The following LRP1B variants were observed in gnomAD, a reference collection of about 807,000 sequenced individuals.
LRP1B encodes the protein LDL receptor related protein 1B, also known as low-density lipoprotein receptor-related protein 1B.
In LRP1B, 217 loss-of-function variants were observed where a neutral mutation model predicts 556.6. The observed-to-expected ratio is 0.39, with a 90% CI of 0.35 to 0.44. The LOEUF (loss-of-function observed/expected upper bound fraction) is 0.44. Ranked by LOEUF, LRP1B falls within the 20% of genes least tolerant of loss-of-function variation. The probability of loss-of-function intolerance (pLI) is 1.00; values close to 1 mark genes in which losing one functional copy is unlikely to be tolerated. For missense variants in LRP1B, 5,053 were observed against 5,620.8 expected, an observed-to-expected ratio of 0.90 and a Z score of 3.23; for synonymous variants, 2,047 against 1,865.8, an observed-to-expected ratio of 1.10 and a Z score of -2.50.
At chr2:141,821,479 A>C (rs1014793763) in intron 1 of LRP1B, among the ~76,000 whole-genome samples, 12 of 152,238 alleles carry the variant, frequency 7.9e-5, no homozygotes, top group African/African-American at 2.9e-4. Flanking sequence ...ACACTGGCAC[A>C]GGATGAAGGC....
Position 140,700,593 on chromosome 2 carries a change from A to C in LRP1B, c.6456T>G (p.Gly2152=), listed in dbSNP as rs1686599469. ...KGTNVCARDN[G]GCKQLCLYRG... The stretch of plus-strand genomic sequence containing the variant: ...GATAAAGACAGAGTTGCTTACAGCC[A>C]CCATTGTCCCTGGCACAAACATTGG... Residue 2152 remains glycine (G), a synonymous_variant, in exon 41 of 91, where the codon GGT becomes GGG. Transcript: ENST00000389484. 4.3e-6 allele frequency: 7 copies of C among 1,613,416 alleles called. No individual in the cohort carries two copies. Among genetic ancestry groups the C allele is most frequent in the Non-Finnish European group, 5.9e-6 (7 of 1,179,616 alleles).
At position 141,791,845 on chromosome 2, in the gene LRP1B, G is replaced by T. The variant is rs893381045; in HGVS notation, c.205+18434C>A. 2.6e-5 allele frequency among the ~76,000 whole-genome samples: 4 copies of T among 151,918 alleles called. 1 individual carries two copies. Among genetic ancestry groups the T allele is most frequent in the African/African-American group, 7.3e-5 (3 of 41,366 alleles). On this transcript the variant is annotated intron_variant, in intron 2 of 90. Transcript: ENST00000389484. Reference sequence around the variant, plus strand: ...ATTAATTATGTTATGTTCCATGCTGGTTATGTCCACTTACAAAAGATCATC... The same window carrying T: ...ATTAATTATGTTATGTTCCATGCTGTTTATGTCCACTTACAAAAGATCATC...
chr2:140,891,684 A>C (rs1027517126), intron 23 of LRP1B, among the ~76,000 whole-genome samples: 1 of 152,142 alleles, frequency 6.6e-6, no homozygotes, highest in African/African-American at 2.4e-5. Context: ...ATTGGGAATG[A>C]ATGATGGTTA....
At chr2:140,787,842 T>C (rs1340316341) in intron 32 of LRP1B, among the ~76,000 whole-genome samples, 1 of 152,118 alleles carries the variant, frequency 6.6e-6, no homozygotes, top group African/African-American at 2.4e-5. Context: ...CTCAAAAAGC[T>C]GCGATTACAG....
intron 27 of LRP1B, among the ~76,000 whole-genome samples, chr2:140,858,743 C>T (rs965297981): frequency 6.6e-6 from 1 of 152,028 alleles, no homozygotes; most frequent in African/African-American, 2.4e-5. Context: ...CCTATCCCCA[C>T]CCCTCGACAG....
chr2:140,410,471 C>G lies in LRP1B; in HGVS notation c.10415-24462G>C, dbSNP rs187196181. ...ATGTCTTTATTCACCTTTTAATAAG[C>G]CTGCTTGCCTCCTATAATAATGCTG... On this transcript the variant is annotated intron_variant, in intron 66 of 90. Transcript: ENST00000389484. Among the ~76,000 whole-genome samples the G allele has an allele frequency of 1.1e-3, 170 of 152,060 alleles. 1 individual carries two copies. Among genetic ancestry groups the G allele is most frequent in the African/African-American group, 4.1e-3 (168 of 41,480 alleles).
Position 141,188,496 on chromosome 2 carries a change from T to C in LRP1B, c.938A>G (p.Asn313Ser), listed in dbSNP as rs759948670. Residue 313 changes from asparagine to serine, a missense_variant, in exon 7 of 91, where the codon AAC becomes AGC. Physicochemically the swap from Asn to Ser is conservative, Grantham distance 46. This residue lies in a region of LRP1B where 3,619 missense variants were observed against 3,931.9 expected (regional missense o/e 0.92). Coordinates refer to ENST00000389484, the MANE Select transcript of LRP1B (RefSeq NM_018557.3). ...VGDRIFVCNS[N>S]GSVCVTLIDL... ...AATCAGGGTGACACATACAGAACCG[T>C]TGGAATTACAAACAAAGATCCGGTC... 46 of 1,612,726 alleles carry C rather than the reference T, an allele frequency of 2.9e-5. No individual in the cohort carries two copies. The highest frequency in any genetic ancestry group is 1.7e-4 in the Middle Eastern group (1 of 6,052).
intron 41 of LRP1B, among the ~76,000 whole-genome samples, chr2:140,642,223 A>G (rs1381182018): frequency 1.3e-5 from 2 of 152,226 alleles, no homozygotes; most frequent in African/African-American, 4.8e-5. Flanking sequence ...TCACATCTGC[A>G]GACATTCCCT....
chr2:141,013,877 T>C (rs1386628238), intron 13 of LRP1B, 132 bp from the exon 14 acceptor site: 1 of 517,906 alleles, frequency 1.9e-6, no homozygotes, highest in Non-Finnish European at 3.1e-6. Context: ...CTCTGATAGA[T>C]TTAAAAAATG....
intron 3 of LRP1B, among the ~76,000 whole-genome samples, chr2:141,416,007 G>C (rs1691087281): frequency 6.6e-6 from 1 of 152,142 alleles, no homozygotes; most frequent in South Asian, 2.1e-4. Context: ...CCCATCTTTT[G>C]AATAAGTTCT....
chr2:141,996,664 T>C (rs1702499252), intron 1 of LRP1B, among the ~76,000 whole-genome samples: 1 of 152,010 alleles, frequency 6.6e-6, no homozygotes, highest in African/African-American at 2.4e-5. Flanking sequence ...ATGTGGAATT[T>C]ACCTTTATTT....
chr2:141,592,146 C>T (rs1473251984), intron 2 of LRP1B, among the ~76,000 whole-genome samples: 1 of 152,158 alleles, frequency 6.6e-6, no homozygotes, highest in Non-Finnish European at 1.5e-5. Flanking sequence ...TCGTTGACTC[C>T]ATTTTTCCAT....
intron 1 of LRP1B, among the ~76,000 whole-genome samples, chr2:142,130,182 G>A (rs1707802075): frequency 6.6e-6 from 1 of 152,210 alleles, no homozygotes; most frequent in African/African-American, 2.4e-5. Flanking sequence ...CGGCGCTTTC[G>A]CCGCTCCACG....
At chr2:141,371,253 T>C (rs1010608325) in intron 3 of LRP1B, among the ~76,000 whole-genome samples, 2 of 152,230 alleles carry the variant, frequency 1.3e-5, no homozygotes, top group East Asian at 3.8e-4. Flanking sequence ...TTTATACCAG[T>C]AACATGTTCT....
chr2:140,343,402 G>A (rs935475034), intron 77 of LRP1B, among the ~76,000 whole-genome samples: 1 of 151,464 alleles, frequency 6.6e-6, no homozygotes, highest in African/African-American at 2.4e-5. Context: ...AAAATGCCTG[G>A]ACTATCTAAT....
At chr2:141,307,027 G>C (rs553349308) in intron 3 of LRP1B, among the ~76,000 whole-genome samples, 1 of 152,174 alleles carries the variant, frequency 6.6e-6, no homozygotes, top group East Asian at 1.9e-4. Flanking sequence ...TTCAAAATAT[G>C]GTCTATCTGG....
At chr2:141,692,520 C>T (rs1368674611) in intron 2 of LRP1B, among the ~76,000 whole-genome samples, 1 of 151,998 alleles carries the variant, frequency 6.6e-6, no homozygotes, top group Non-Finnish European at 1.5e-5. Flanking sequence ...TTCTGGCATT[C>T]AGCTTCATCC....
Position 141,483,942 on chromosome 2 carries a change from T to G in LRP1B, c.206-3409A>C, listed in dbSNP as rs763946638. On this transcript the variant is annotated intron_variant, in intron 2 of 90. Coordinates refer to ENST00000389484, the MANE Select transcript of LRP1B (RefSeq NM_018557.3). ...TGTTCACTCTGATGGTAGTTTCTTT[T>G]GCTGTGCAGAAGCTCTTTAGTTTAA... is the stretch of plus-strand genomic sequence containing the variant. 3.9e-3 allele frequency among the ~76,000 whole-genome samples: 585 copies of G among 151,680 alleles called. 2 individuals are homozygous for G. Among genetic ancestry groups the G allele is most frequent in the Non-Finnish European group, 6.0e-3 (408 of 67,758 alleles).
chr2:141,676,097 C>T (rs1690864100), intron 2 of LRP1B, among the ~76,000 whole-genome samples: 1 of 151,956 alleles, frequency 6.6e-6, no homozygotes, highest in African/African-American at 2.4e-5. Context: ...TTATAAAATA[C>T]TTATGAATGG....
Sources: gnomAD v4.1 joint callset for allele counts (sites outside exome capture counted in the v4.1 genomes callset) on GRCh38, gnomAD v4.1.1 for gene constraint, gnomAD v4.1.1 regional missense constraint, MANE v1.5 for transcripts, NCBI Gene and HGNC (gene_info 2026-07-23, HGNC 2026-07-21) for gene names.